SLC43A2: variants seen among roughly 807,000 people sequenced by gnomAD.
SLC43A2 encodes large neutral amino acids transporter small subunit 4.
A neutral mutation model predicts 63.2 loss-of-function variants in SLC43A2; 38 were observed. That is an observed-to-expected ratio of 0.60 (90% confidence interval 0.46 to 0.79). SLC43A2 has a LOEUF of 0.79. SLC43A2 is among the 30% of genes least tolerant of loss of function. The probability of loss-of-function intolerance (pLI) is 0.00; values close to 1 mark genes in which losing one functional copy is unlikely to be tolerated. For missense variants in SLC43A2, 644 were observed against 756.2 expected (o/e 0.85, Z 1.74); for synonymous variants, 322 against 331.0 (o/e 0.97, Z 0.30).
At chr17:1,625,915 G>A (rs1043631537) in intron 2 of SLC43A2, among the ~76,000 whole-genome samples, 1 of 151,850 alleles carries the variant, frequency 6.6e-6, no homozygotes, top group Admixed American at 6.6e-5. Flanking sequence ...CACTTAGACA[G>A]AGGAGGAAGC....
At chr17:1,620,139 C>A (rs1054597967) in intron 2 of SLC43A2, among the ~76,000 whole-genome samples, 3 of 152,130 alleles carry the variant, frequency 2.0e-5, no homozygotes, top group Non-Finnish European at 4.4e-5. Flanking sequence ...CCGAGGCAGG[C>A]GGACCACTTG....
Position 1,578,411 on chromosome 17 carries a change from C to A in SLC43A2, c.1351-88G>T. 7.7e-7 allele frequency: 1 copy of A among 1,303,406 alleles called. No homozygotes were observed. Among genetic ancestry groups the A allele is most frequent in the East Asian group, 2.5e-5 (1 of 39,224 alleles). 80.7% of individuals were successfully genotyped at this position (1,303,406 alleles called of 1,614,324 possible). On this transcript the variant is annotated intron_variant, in intron 11 of 13. Transcript: ENST00000301335. This position sits in a 1 kb window ranked among gnomAD's most constrained non-coding sequence, Gnocchi z 6.5. Reference sequence around the variant, plus strand: ...CCTCCAATTCCTGGGGGCCCTCACCCCAGGGGCAGTGTCAGCCTGGAGTTG... The same window carrying A: ...CCTCCAATTCCTGGGGGCCCTCACCACAGGGGCAGTGTCAGCCTGGAGTTG...
At chr17:1,599,125 G>T (rs1196670043) in intron 5 of SLC43A2, among the ~76,000 whole-genome samples, 2 of 152,120 alleles carry the variant, frequency 1.3e-5, no homozygotes, top group Non-Finnish European at 2.9e-5. Flanking sequence ...GAGGTGGGCG[G>T]ATCACGAGAT....
intron 5 of SLC43A2, among the ~76,000 whole-genome samples, chr17:1,596,503 A>G (rs1905284843): frequency 6.6e-6 from 1 of 152,144 alleles, no homozygotes; most frequent in South Asian, 2.1e-4. Flanking sequence ...ATATATAAAC[A>G]TAGTGCCCAA....
At chr17:1,591,723 G>GA in intron 6 of SLC43A2, 24 bp from the exon 7 acceptor site, 1 of 1,105,338 alleles carries the variant, frequency 9.0e-7, no homozygotes. Flanking sequence ...CGGGGACGGG[G>GA]TGGGGGGGGG....
intron 5 of SLC43A2, among the ~76,000 whole-genome samples, chr17:1,608,269 A>G (rs1194739631): frequency 1.3e-5 from 2 of 152,206 alleles, no homozygotes; most frequent in East Asian, 3.8e-4. Flanking sequence ...GACCTCTGGT[A>G]GCCAAACGCT....
chr17:1,586,550 CTGGGCGTGG>C (rs1393034052), intron 9 of SLC43A2, among the ~76,000 whole-genome samples: 15 of 152,040 alleles, frequency 9.9e-5, no homozygotes, highest in Non-Finnish European at 2.9e-5. Context: ...CAAAAACTAG[CTGGGCGTGG>C]TGGCAGGCAC....
At chr17:1,592,422 G>A (rs1375079679) in intron 6 of SLC43A2, among the ~76,000 whole-genome samples, 3 of 152,084 alleles carry the variant, frequency 2.0e-5, no homozygotes, top group Admixed American at 1.3e-4. Flanking sequence ...GCAAGACCCT[G>A]TTCCCCCCCA....
chr17:1,616,587 G>A lies in SLC43A2; in HGVS notation c.343C>T (p.Pro115Ser). The A allele has an allele frequency of 1.2e-6, 2 of 1,613,318 alleles. No homozygotes were observed. Among genetic ancestry groups the A allele is most frequent in the Non-Finnish European group, 1.7e-6 (2 of 1,179,676 alleles). Residue 115 changes from proline to serine, a missense_variant, in exon 3 of 14, where the codon CCG becomes TCG. By Grantham distance (74) the Pro-to-Ser change is moderately conservative. This residue lies in a region of SLC43A2 where 528 missense variants were observed against 623.6 expected (regional missense o/e 0.85). Transcript: ENST00000301335. ...CTGCCCAGCAGCCTGAGCTTCCTCG[G>A]GCCATACTTGTCCATGACGATACCC... The part of the protein sequence containing the change: ...PLGIVMDKYG[P>S]RKLRLLGSAC...
At chr17:1,598,567 C>A (rs556988652) in intron 5 of SLC43A2, among the ~76,000 whole-genome samples, 47 of 152,290 alleles carry the variant, frequency 3.1e-4, no homozygotes, top group African/African-American at 1.1e-3. Flanking sequence ...AAGAGTGTCT[C>A]AAACTTTTCA....
intron 9 of SLC43A2, among the ~76,000 whole-genome samples, chr17:1,590,298 C>T (rs1904621478): frequency 6.6e-6 from 1 of 151,966 alleles, no homozygotes; most frequent in Admixed American, 6.6e-5. Context: ...TGTTCGCAAG[C>T]TCCGAGGAAG....
chr17:1,596,311 T>C, intron 5 of SLC43A2, among the ~76,000 whole-genome samples: 1 of 149,820 alleles, frequency 6.7e-6, no homozygotes, highest in South Asian at 2.1e-4. Context: ...AGTGCGAGAC[T>C]CCATCTCAAA....
chr17:1,571,387 A>G lies in SLC43A2; in HGVS notation c.*4217T>C, dbSNP rs1476687652. 6.6e-6 allele frequency: 1 copy of G among 152,278 alleles called. No homozygotes were observed. Among genetic ancestry groups the G allele is most frequent in the Non-Finnish European group, 1.5e-5 (1 of 68,110 alleles). 9.4% of individuals were successfully genotyped at this position (152,278 alleles called of 1,614,324 possible). ...GGGGAGCTGCTGCTGAAGGAGCCCG[A>G]CGGCTGATTCTGTGGAGGCTTCTCA... On this transcript the variant is annotated 3_prime_UTR_variant, in exon 14 of 14. Transcript: ENST00000301335. This position sits in a 1 kb window ranked among gnomAD's most constrained non-coding sequence, Gnocchi z 5.2.
At chr17:1,590,694 T>C in intron 9 of SLC43A2, 108 bp downstream of exon 9, 1 of 1,427,874 alleles carries the variant, frequency 7.0e-7, no homozygotes, top group Admixed American at 2.1e-5. Context: ...GATGCGGCCT[T>C]TCCATGGCCC....
chr17:1,624,928 G>A (rs947798700), intron 2 of SLC43A2, among the ~76,000 whole-genome samples: 2 of 152,056 alleles, frequency 1.3e-5, no homozygotes, highest in Non-Finnish European at 1.5e-5. Context: ...GGTAGCCGCA[G>A]CCCCCCAGGC....
intron 5 of SLC43A2, among the ~76,000 whole-genome samples, chr17:1,600,152 A>ATATATATATATATATATATATATATTTTT (rs1216616243): frequency 1.2e-4 from 7 of 60,270 alleles, no homozygotes; most frequent in Non-Finnish European, 1.6e-4. Flanking sequence ...ATATATATAT[A>ATATATATATATATATATATATATATTTTT]TTTTTTTTTT....
At chr17:1,585,166 CA>C in intron 10 of SLC43A2, 1 of 988,878 alleles carries the variant, frequency 1.0e-6, no homozygotes, top group Non-Finnish European at 1.2e-6. Context: ...GTCTTAGGAG[CA>C]AAATGGTCTG....
chr17:1,576,610 C>T lies in SLC43A2; in HGVS notation c.1535G>A (p.Gly512Glu). Residue 512 changes from glycine to glutamate, a missense_variant, in exon 13 of 14, where the codon GGA becomes GAA. This residue lies in a region of SLC43A2 where 105 missense variants were observed against 101.7 expected (regional missense o/e 1.03). Coordinates refer to ENST00000301335, the MANE Select transcript of SLC43A2 (RefSeq NM_152346.3). ...GACCCCTCTTACCCACAGAGGGTCTCCCTGGAGAGGACCCATCATGGCCAG... is the reference window on the plus strand; with the variant it reads ...GACCCCTCTTACCCACAGAGGGTCTTCCTGGAGAGGACCCATCATGGCCAG... ...LFLAMMGPLQ[G>E]DPLWVNVGLL... is the part of the protein sequence containing the mutation. 6.2e-7 allele frequency: 1 copy of T among 1,608,188 alleles called. No homozygotes were observed. Among genetic ancestry groups the T allele is most frequent in the Non-Finnish European group, 8.5e-7 (1 of 1,179,820 alleles).
In SLC43A2 at chr17:1,594,489, C is replaced by A. The variant is rs184861740; in HGVS notation, c.502-1210G>T. On this transcript the variant is annotated intron_variant, in intron 5 of 13. Coordinates refer to ENST00000301335, the MANE Select transcript of SLC43A2 (RefSeq NM_152346.3). The stretch of plus-strand genomic sequence containing the variant: ...CTGCCCTCTGGATAGCCATGCCAAC[C>A]TATTTCATTAAATTCAGGCTGCTTA... Among the ~76,000 whole-genome samples the A allele has an allele frequency of 3.2e-4, 48 of 152,322 alleles. 1 individual carries two copies. In the East Asian group the frequency reaches 8.9e-3, roughly 28 times the overall value.
Sources: allele counts gnomAD v4.1 joint callset (sites outside exome capture counted in the v4.1 genomes callset), GRCh38; gene constraint gnomAD v4.1.1; regional missense constraint gnomAD v4.1.1; non-coding constraint Gnocchi (gnomAD v3.1); transcripts MANE v1.5; gene names NCBI Gene and HGNC (gene_info 2026-07-23, HGNC 2026-07-21).